The following NIBAN2 variants were observed in gnomAD, a reference collection of about 807,000 sequenced individuals.
NIBAN2 encodes the protein protein Niban 2.
In NIBAN2, 36 loss-of-function variants were observed where a neutral mutation model predicts 81.8. The ratio of observed to expected loss-of-function variants is 0.44; its 90% CI spans 0.34 to 0.58. The LOEUF is 0.58. Ranked by LOEUF, NIBAN2 falls within the 20% of genes least tolerant of loss-of-function variation. The pLI is 0.02. For missense variants in NIBAN2, 897 were observed against 1,014.1 expected (o/e 0.88, Z 1.57); for synonymous variants, 445 against 441.6 (o/e 1.01, Z -0.10).
rs193108069 is a variant in NIBAN2, at chr9:127,507,195, C to T, written c.1891G>A (p.Val631Met). ...GGGCTAGCCTCAAAGGGCAGCCCCA[C>T]CTCCTCATCCTGGACCACAGAGACC... ...QVVSVVQDEE[V>M]GLPFEASPES... The change falls in exon 14 of 14, where the codon GTG becomes ATG. Residue 631 changes from valine to methionine, a missense_variant. By Grantham distance (21) the Val-to-Met change is conservative. Coordinates refer to ENST00000373312, the MANE Select transcript of NIBAN2 (RefSeq NM_022833.4). This position sits in a 1 kb window ranked among gnomAD's most constrained non-coding sequence, Gnocchi z 6.8. The T allele has an allele frequency of 1.1e-3, 1,711 of 1,613,110 alleles. 20 individuals carry two copies. Among genetic ancestry groups the T allele is most frequent in the Non-Finnish European group, 1.5e-4 (181 of 1,179,814 alleles).
chr9:127,510,420 A>T, intron 8 of NIBAN2, 87 bp from the exon 9 acceptor site: 3 of 814,664 alleles, frequency 3.7e-6, no homozygotes, highest in Non-Finnish European at 5.4e-6. Flanking sequence ...AGGCTACTGT[A>T]TTACTATTAT....
upstream of NIBAN2, chr9:127,569,092 G>A: frequency 3.0e-6 from 3 of 997,846 alleles, no homozygotes; most frequent in Non-Finnish European, 3.5e-6. Flanking sequence ...CCCTGCCCTC[G>A]GCCCTGCACC....
intron 1 of NIBAN2, among the ~76,000 whole-genome samples, chr9:127,567,165 C>T (rs1588192855): frequency 6.6e-6 from 1 of 151,996 alleles, no homozygotes; most frequent in African/African-American, 2.4e-5. Context: ...GCCCAGGAGA[C>T]GGGAAGACAG....
At chr9:127,541,641 G>A (rs910334652) in intron 1 of NIBAN2, among the ~76,000 whole-genome samples, 29 of 152,246 alleles carry the variant, frequency 1.9e-4, no homozygotes, top group African/African-American at 7.0e-4. Context: ...GTAGCAGGAG[G>A]GGGACCAGCA....
intron 8 of NIBAN2, among the ~76,000 whole-genome samples, chr9:127,514,961 C>T (rs181738301): frequency 6.6e-6 from 1 of 152,086 alleles, no homozygotes; most frequent in South Asian, 2.1e-4. Flanking sequence ...GCCAGGAGTT[C>T]GAGACCAGCC....
intron 1 of NIBAN2, among the ~76,000 whole-genome samples, chr9:127,553,856 T>C (rs1464832335): frequency 6.6e-6 from 1 of 152,058 alleles, no homozygotes; most frequent in Non-Finnish European, 1.5e-5. Context: ...GCTGGGACTA[T>C]AGGCTTGTGC....
Position 127,507,570 on chromosome 9 carries a change from G to A in NIBAN2, c.1655-139C>T. 1.3e-6 allele frequency: 1 copy of A among 788,094 alleles called. No individual in the cohort carries two copies. The allele number at this position is 788,094 out of a possible 1,614,324, so 48.8% of individuals were successfully genotyped here. On this transcript the variant is annotated intron_variant, in intron 13 of 13. Coordinates refer to ENST00000373312, the MANE Select transcript of NIBAN2 (RefSeq NM_022833.4). The surrounding 1 kb of genome is among the most constrained non-coding windows in gnomAD (Gnocchi z 6.8). ...GATGTGACTCATTCCAGGCCTCGTT[G>A]CTGAAAGCAGCAAGGCCGTGATGCT...
intron 1 of NIBAN2, among the ~76,000 whole-genome samples, chr9:127,556,011 G>A (rs879836128): frequency 1.3e-5 from 2 of 151,674 alleles, no homozygotes; most frequent in Admixed American, 1.3e-4. Flanking sequence ...CAGGACCAGG[G>A]CCCAGGTGTC....
At chr9:127,564,232 G>A (rs1276649506) in intron 1 of NIBAN2, among the ~76,000 whole-genome samples, 1 of 150,532 alleles carries the variant, frequency 6.6e-6, no homozygotes, top group Non-Finnish European at 1.5e-5. Context: ...GGCGGAGGTT[G>A]CAATGAGCCG....
intron 9 of NIBAN2, 106 bp from the exon 10 acceptor site, chr9:127,509,237 G>A (rs113635097): frequency 2.4e-5 from 28 of 1,150,916 alleles, no homozygotes; most frequent in Middle Eastern, 2.9e-4. Flanking sequence ...TGGGGCTGGC[G>A]CCTGCTACCA....
At chr9:127,578,211 A>T (rs1424232034) in intron 1 of NIBAN2, among the ~76,000 whole-genome samples, 2 of 150,438 alleles carry the variant, frequency 1.3e-5, no homozygotes, top group Non-Finnish European at 3.0e-5. Context: ...AAAAAAATTT[A>T]GCTGGGCGTA....
In NIBAN2 at chr9:127,545,086, C is replaced by T. The variant is rs1438979181; in HGVS notation, c.56-13308G>A. ...ACACCCAGCGAACCCAAGCGAACCG[C>T]AACCTCAGCCCCTCAGCTTCCTCCT... On this transcript the variant is annotated intron_variant, in intron 1 of 13. Coordinates refer to ENST00000373312, the MANE Select transcript of NIBAN2 (RefSeq NM_022833.4). The surrounding 1 kb of genome is among the most constrained non-coding windows in gnomAD (Gnocchi z 4.7). Among the ~76,000 whole-genome samples, 1 of 152,204 alleles carries T rather than the reference C, an allele frequency of 6.6e-6. No individual in the cohort carries two copies. Among genetic ancestry groups the T allele is most frequent in the Non-Finnish European group, 1.5e-5 (1 of 68,032 alleles).
At chr9:127,561,609 C>T (rs1837775786) in intron 1 of NIBAN2, among the ~76,000 whole-genome samples, 1 of 152,202 alleles carries the variant, frequency 6.6e-6, no homozygotes, top group South Asian at 2.1e-4. Context: ...AAAGCCTTAC[C>T]CCAAAACCTC....
rs1185518231 is a variant in NIBAN2 at position 127,576,581 on chromosome 9, C to T, written c.16+2341G>A. On this transcript the variant is annotated intron_variant, in intron 1 of 13. Transcript: ENST00000373314. ...CAACTTTTGGGGAACACCCACTTTA[C>T]AGGAGAGAAAACTGAGGCTTCATGA... Among the ~76,000 whole-genome samples, 3 of 151,838 alleles carry T rather than the reference C, an allele frequency of 2.0e-5. No individual in the cohort carries two copies. The East Asian group carries it at 5.8e-4, about 30-fold the overall frequency.
At chr9:127,552,403 T>C (rs1292217476) in intron 1 of NIBAN2, among the ~76,000 whole-genome samples, 1 of 118,956 alleles carries the variant, frequency 8.4e-6, no homozygotes, top group Non-Finnish European at 1.7e-5. Flanking sequence ...TGAGAATCCA[T>C]CTCTACGAAA....
intron 2 of NIBAN2, among the ~76,000 whole-genome samples, chr9:127,531,000 C>A (rs972979577): frequency 6.6e-6 from 1 of 150,552 alleles, no homozygotes; most frequent in African/African-American, 2.4e-5. Context: ...GGCAACACAG[C>A]AAAACCCCAT....
intron 1 of NIBAN2, among the ~76,000 whole-genome samples, chr9:127,556,138 G>A (rs889204816): frequency 1.3e-5 from 2 of 152,070 alleles, no homozygotes; most frequent in South Asian, 2.1e-4. Flanking sequence ...GACTCTACCC[G>A]CCTCACCCTC....
At chr9:127,525,717 G>A (rs1026660871) in intron 3 of NIBAN2, among the ~76,000 whole-genome samples, 2 of 152,180 alleles carry the variant, frequency 1.3e-5, no homozygotes, top group African/African-American at 4.8e-5. Flanking sequence ...GGCATTGCAT[G>A]CTTAATTTCA....
Position 127,527,340 on chromosome 9 carries a change from T to C in NIBAN2, c.187-18A>G. ...AGTGGCACCTGTGGGCAGGAGCGGG[T>C]GGGGAGTGAGGCCCAGGTCTGGGGG... On this transcript the variant is annotated intron_variant, in intron 2 of 13. Transcript: ENST00000373312. 4 of 1,591,448 alleles carry C rather than the reference T, an allele frequency of 2.5e-6. No individual in the cohort carries two copies. In the South Asian group the frequency reaches 3.3e-5, roughly 13 times the overall value.
Sources: gnomAD v4.1 joint callset for allele counts (sites outside exome capture counted in the v4.1 genomes callset) on GRCh38, gnomAD v4.1.1 for gene constraint, Gnocchi (gnomAD v3.1) non-coding constraint, MANE v1.5 for transcripts, NCBI Gene and HGNC (gene_info 2026-07-23, HGNC 2026-07-21) for gene names.